WDR7: variants seen among roughly 807,000 people sequenced by gnomAD.
WDR7 encodes WD repeat domain 7, also known as WD repeat-containing protein 7.
A neutral mutation model predicts 169.4 loss-of-function variants in WDR7; 46 were observed. That is an observed-to-expected ratio of 0.27 (90% confidence interval 0.21 to 0.35). The LOEUF is 0.35. Among genes scored for constraint, WDR7 ranks in the 10% least tolerant of loss-of-function variants. The probability of loss-of-function intolerance (pLI) is 1.00; values close to 1 mark genes in which losing one functional copy is unlikely to be tolerated. For missense variants in WDR7, 1,534 were observed against 1,859.3 expected (o/e 0.83, Z 3.22); for synonymous variants, 612 against 666.8 (o/e 0.92, Z 1.27).
rs138443774 is a variant in WDR7, at chr18:56,757,089, C to T, written c.2496C>T (p.Thr832=). Residue 832 remains threonine, a synonymous_variant, in exon 15 of 28, where the codon ACC becomes ACT. Transcript: ENST00000254442. Reference sequence around the variant, plus strand: ...TTGGAATGCTGAAACCCCACTGCACCGTATCGTTTGGCCTCTTGTCAAGAG... The same window carrying T: ...TTGGAATGCTGAAACCCCACTGCACTGTATCGTTTGGCCTCTTGTCAAGAG... ...DRLGMLKPHC[T]VSFGLLSRGG... 472 of 1,614,076 alleles carry T rather than the reference C, an allele frequency of 2.9e-4. No individual in the cohort carries two copies. Among genetic ancestry groups the T allele is most frequent in the Non-Finnish European group, 3.6e-4 (430 of 1,180,018 alleles).
intron 1 of WDR7, among the ~76,000 whole-genome samples, chr18:56,659,904 G>A (rs1314225712): frequency 6.6e-6 from 1 of 152,056 alleles, no homozygotes; most frequent in Non-Finnish European, 1.5e-5. Flanking sequence ...GAGACTGCAG[G>A]GGAGCAAAGA....
intron 14 of WDR7, among the ~76,000 whole-genome samples, chr18:56,731,901 G>T (rs1484322988): frequency 6.6e-6 from 1 of 152,162 alleles, no homozygotes; most frequent in African/African-American, 2.4e-5. Flanking sequence ...TAGTCTTTCT[G>T]TTGAAAGATT....
intron 14 of WDR7, among the ~76,000 whole-genome samples, chr18:56,755,500 C>A (rs915965470): frequency 1.3e-5 from 2 of 152,052 alleles, no homozygotes; most frequent in Admixed American, 6.5e-5. Context: ...GAATTTCTGT[C>A]GTGACAGCGG....
chr18:56,824,429 G>A (rs553283737), intron 20 of WDR7, among the ~76,000 whole-genome samples: 4 of 152,270 alleles, frequency 2.6e-5, no homozygotes, highest in African/African-American at 7.2e-5. Context: ...TGTATGCCTA[G>A]CACTAGAATA....
At chr18:57,020,264 G>A (rs954790430) in intron 26 of WDR7, among the ~76,000 whole-genome samples, 1 of 152,174 alleles carries the variant, frequency 6.6e-6, no homozygotes, top group African/African-American at 2.4e-5. Flanking sequence ...GAAGCATAAA[G>A]CATGAGCAGT....
intron 21 of WDR7, among the ~76,000 whole-genome samples, 186 bp downstream of exon 21, chr18:56,880,351 T>C (rs2046088939): frequency 6.6e-6 from 1 of 152,232 alleles, no homozygotes; most frequent in Admixed American, 6.5e-5. Flanking sequence ...TTTTAAAAGT[T>C]AAAACATCGT....
At chr18:56,777,176 C>T (rs1221269506) in intron 17 of WDR7, among the ~76,000 whole-genome samples, 1 of 152,128 alleles carries the variant, frequency 6.6e-6, no homozygotes, top group Non-Finnish European at 1.5e-5. Flanking sequence ...ATGATGTTTG[C>T]CATTTGATCT....
At chr18:56,739,453 A>G (rs769812736) in intron 14 of WDR7, among the ~76,000 whole-genome samples, 18 of 152,120 alleles carry the variant, frequency 1.2e-4, no homozygotes, top group Non-Finnish European at 2.2e-4. Context: ...GTAACTTTAC[A>G]TATACTTTAA....
intron 20 of WDR7, among the ~76,000 whole-genome samples, chr18:56,870,776 C>T (rs1207283853): frequency 6.6e-6 from 1 of 152,136 alleles, no homozygotes; most frequent in Non-Finnish European, 1.5e-5. Flanking sequence ...TGTGAGCCAC[C>T]ATGCCCAGCC....
At chr18:56,993,632 T>A (rs1319776185) in intron 26 of WDR7, among the ~76,000 whole-genome samples, 2 of 152,206 alleles carry the variant, frequency 1.3e-5, no homozygotes, top group Non-Finnish European at 2.9e-5. Context: ...CTGTAAATGC[T>A]CCATTTTAAG....
At chr18:56,842,900 G>A (rs1039702232) in intron 20 of WDR7, among the ~76,000 whole-genome samples, 28 of 152,198 alleles carry the variant, frequency 1.8e-4, no homozygotes, top group Admixed American at 2.6e-4. Flanking sequence ...ACACATTTAT[G>A]TGCTACTAGA....
intron 1 of WDR7, among the ~76,000 whole-genome samples, chr18:56,663,463 A>C (rs184731833): frequency 1.3e-5 from 2 of 152,186 alleles, no homozygotes; most frequent in African/African-American, 4.8e-5. Context: ...TTTATGAAGG[A>C]GAATGCCCTT....
At chr18:56,906,221 G>T (rs1193306132) in intron 21 of WDR7, among the ~76,000 whole-genome samples, 1 of 152,142 alleles carries the variant, frequency 6.6e-6, no homozygotes, top group East Asian at 1.9e-4. Flanking sequence ...TTTAAATATT[G>T]TCATAGGAAT....
chr18:56,888,453 A>G (rs1022390986), intron 21 of WDR7, among the ~76,000 whole-genome samples: 3 of 152,196 alleles, frequency 2.0e-5, no homozygotes, highest in Non-Finnish European at 4.4e-5. Flanking sequence ...TTTGGTCCAA[A>G]TAGTCTTCTG....
At chr18:56,856,795 T>C (rs2045728315) in intron 20 of WDR7, among the ~76,000 whole-genome samples, 4 of 152,128 alleles carry the variant, frequency 2.6e-5, no homozygotes, top group Admixed American at 2.6e-4. Context: ...AATGCCATTT[T>C]ACCGTCCTCC....
intron 16 of WDR7, among the ~76,000 whole-genome samples, chr18:56,763,771 G>T (rs550261971): frequency 2.6e-5 from 4 of 152,182 alleles, no homozygotes; most frequent in African/African-American, 9.6e-5. Context: ...TAGATATAGG[G>T]CTATTCTGCT....
At chr18:56,789,096 A>G (rs1015165578) in intron 19 of WDR7, among the ~76,000 whole-genome samples, 11 of 152,218 alleles carry the variant, frequency 7.2e-5, no homozygotes, top group Admixed American at 6.5e-4. Context: ...TAGCAGCATT[A>G]AACTGTTCTA....
At chr18:56,828,964 G>T (rs2045261015) in intron 20 of WDR7, among the ~76,000 whole-genome samples, 1 of 151,738 alleles carries the variant, frequency 6.6e-6, no homozygotes, top group Non-Finnish European at 1.5e-5. Flanking sequence ...AACCTGTCTT[G>T]CCCCTTGATA....
intron 26 of WDR7, among the ~76,000 whole-genome samples, chr18:56,980,264 C>G (rs2047622442): frequency 1.3e-5 from 2 of 152,174 alleles, no homozygotes; most frequent in Admixed American, 1.3e-4. Context: ...AAAGGGGCTT[C>G]TTAGAACAGC....
Sources: gnomAD v4.1 joint callset for allele counts (sites outside exome capture counted in the v4.1 genomes callset) on GRCh38, gnomAD v4.1.1 for gene constraint, MANE v1.5 for transcripts, NCBI Gene and HGNC (gene_info 2026-07-23, HGNC 2026-07-21) for gene names.